The following NUDCD1 variants were observed in gnomAD, a reference collection of about 807,000 sequenced individuals.
The protein encoded by NUDCD1 is nudC domain-containing protein 1.
NUDCD1 carries 60 observed loss-of-function variants against 67.8 expected under a neutral mutation model. That is an observed-to-expected ratio of 0.88 (90% confidence interval 0.72 to 1.10). NUDCD1 has a LOEUF of 1.10. NUDCD1 is among the 50% of genes least tolerant of loss of function. NUDCD1 has a pLI of 0.00. For synonymous variants in NUDCD1, 244 were observed against 230.8 expected (o/e 1.06, Z -0.52); for missense variants, 643 against 695.0 (o/e 0.93, Z 0.84).
At chr8:109,309,483 G>A (rs1017354865) in intron 2 of NUDCD1, among the ~76,000 whole-genome samples, 2 of 152,100 alleles carry the variant, frequency 1.3e-5, no homozygotes, top group African/African-American at 2.4e-5. Flanking sequence ...AGCTATCTAT[G>A]ACAAACCCAC....
chr8:109,309,596 G>C (rs1815193505), intron 2 of NUDCD1, among the ~76,000 whole-genome samples: 1 of 152,142 alleles, frequency 6.6e-6, no homozygotes, highest in Non-Finnish European at 1.5e-5. Flanking sequence ...AATAGTACTG[G>C]AAGTCCCGGC....
In NUDCD1 at chr8:109,283,893, C is replaced by G. The variant is rs368839760; in HGVS notation, c.824-2721G>C. ...GAAACTACAAAGCAATCAGTAACAA[C>G]TTCATGATAGAATCAAAACTTCACA... On this transcript the variant is annotated intron_variant, in intron 5 of 9. Coordinates refer to ENST00000239690, the MANE Select transcript of NUDCD1 (RefSeq NM_032869.4). Among the ~76,000 whole-genome samples the G allele has an allele frequency of 5.3e-5, 8 of 151,350 alleles. 1 individual carries two copies. The highest frequency in any genetic ancestry group is 2.4e-5 in the African/African-American group (1 of 41,150).
chr8:109,305,285 A>G (rs1815077818), intron 2 of NUDCD1, among the ~76,000 whole-genome samples: 1 of 152,172 alleles, frequency 6.6e-6, no homozygotes, highest in Non-Finnish European at 1.5e-5. Context: ...ACAGGGTCTG[A>G]GAAGGCCACT....
At chr8:109,311,307 T>G (rs1815242551) in intron 2 of NUDCD1, among the ~76,000 whole-genome samples, 1 of 152,102 alleles carries the variant, frequency 6.6e-6, no homozygotes, top group African/African-American at 2.4e-5. Flanking sequence ...CAGGGAACAC[T>G]TCTGTGCTGC....
intron 5 of NUDCD1, among the ~76,000 whole-genome samples, chr8:109,288,308 A>T (rs1468684848): frequency 6.6e-6 from 1 of 152,210 alleles, no homozygotes; most frequent in Non-Finnish European, 1.5e-5. Context: ...TTATCTGGGC[A>T]GAACGGTTCC....
intron 5 of NUDCD1, among the ~76,000 whole-genome samples, chr8:109,284,004 A>C (rs1014094271): frequency 2.0e-5 from 3 of 150,870 alleles, no homozygotes; most frequent in African/African-American, 4.9e-5. Flanking sequence ...AAAAAAAAAA[A>C]AAACAAAACA....
intron 9 of NUDCD1, among the ~76,000 whole-genome samples, chr8:109,244,998 T>C (rs1370937773): frequency 6.6e-6 from 1 of 152,190 alleles, no homozygotes; most frequent in Non-Finnish European, 1.5e-5. Context: ...TAGGGTATTA[T>C]CAAGCTCCTT....
At chr8:109,258,133 T>C (rs1813780919) in intron 8 of NUDCD1, among the ~76,000 whole-genome samples, 1 of 152,162 alleles carries the variant, frequency 6.6e-6, no homozygotes, top group South Asian at 2.1e-4. Flanking sequence ...GTTTTATTAG[T>C]TTACTTCATG....
chr8:109,244,276 T>C (rs1219938759), intron 9 of NUDCD1, among the ~76,000 whole-genome samples: 3 of 152,072 alleles, frequency 2.0e-5, no homozygotes, highest in South Asian at 4.1e-4. Context: ...ATAATGTATA[T>C]AATATTTCAA....
intron 2 of NUDCD1, among the ~76,000 whole-genome samples, chr8:109,305,225 A>C (rs1586295433): frequency 6.6e-6 from 1 of 152,030 alleles, no homozygotes; most frequent in Admixed American, 6.5e-5. Flanking sequence ...AAACTAAAAT[A>C]CCTCTTGGTC....
intron 2 of NUDCD1, among the ~76,000 whole-genome samples, chr8:109,312,354 T>C (rs946110380): frequency 4.9e-5 from 7 of 141,534 alleles, no homozygotes; most frequent in Admixed American, 7.0e-5. Context: ...AATGGATTAA[T>C]AGAATATGAT....
chr8:109,321,901 G>T (rs550136070), intron 2 of NUDCD1, among the ~76,000 whole-genome samples: 2 of 152,002 alleles, frequency 1.3e-5, no homozygotes, highest in African/African-American at 2.4e-5. Flanking sequence ...AATGCTAAAA[G>T]AATCAATTCA....
rs556843759 is a variant in NUDCD1 at position 109,308,522 on chromosome 8, A to C, written c.274-11953T>G. On this transcript the variant is annotated intron_variant, in intron 2 of 9. Coordinates refer to ENST00000239690, the MANE Select transcript of NUDCD1 (RefSeq NM_032869.4). ...ATTGAAACAAACAAAAAAATACAAAAGATAAAGGAAACAAAAAGTTGGTTC... is the reference window on the plus strand; with the variant it reads ...ATTGAAACAAACAAAAAAATACAAACGATAAAGGAAACAAAAAGTTGGTTC... Among the ~76,000 whole-genome samples, 4 of 152,324 alleles carry C rather than the reference A, an allele frequency of 2.6e-5. No individual in the cohort carries two copies. The South Asian group carries it at 8.3e-4, about 32-fold the overall frequency.
intron 8 of NUDCD1, among the ~76,000 whole-genome samples, chr8:109,246,142 T>C (rs1813490669): frequency 1.3e-5 from 2 of 152,204 alleles, no homozygotes; most frequent in Admixed American, 6.5e-5. Flanking sequence ...AACTGGTCCC[T>C]GGTGCCAAAA....
chr8:109,246,506 A>G (rs1353313386), intron 8 of NUDCD1, among the ~76,000 whole-genome samples: 2 of 152,244 alleles, frequency 1.3e-5, no homozygotes. Context: ...CAATGTCAAT[A>G]TGTCAATAAT....
At chr8:109,291,814 C>T (rs903473509) in intron 4 of NUDCD1, among the ~76,000 whole-genome samples, 6 of 152,028 alleles carry the variant, frequency 3.9e-5, no homozygotes, top group Non-Finnish European at 8.8e-5. Flanking sequence ...CAGAGTACTG[C>T]TATGTTCTGA....
chr8:109,302,014 C>T (rs1815002241), intron 2 of NUDCD1, among the ~76,000 whole-genome samples: 1 of 152,200 alleles, frequency 6.6e-6, no homozygotes, highest in East Asian at 1.9e-4. Flanking sequence ...CACTACCTCC[C>T]TTCTCCCTGT....
At chr8:109,247,022 C>A (rs1813514422) in intron 8 of NUDCD1, among the ~76,000 whole-genome samples, 1 of 152,190 alleles carries the variant, frequency 6.6e-6, no homozygotes, top group Non-Finnish European at 1.5e-5. Context: ...AGAGCCAGTG[C>A]TTGCTCTCTA....
chr8:109,244,367 T>A (rs1441600682), intron 9 of NUDCD1, among the ~76,000 whole-genome samples: 1 of 152,062 alleles, frequency 6.6e-6, no homozygotes, highest in Non-Finnish European at 1.5e-5. Flanking sequence ...GGGATACAAA[T>A]AGAACATCTG....
Sources: gnomAD v4.1 joint callset for allele counts (sites outside exome capture counted in the v4.1 genomes callset) on GRCh38, gnomAD v4.1.1 for gene constraint, MANE v1.5 for transcripts, NCBI Gene and HGNC (gene_info 2026-07-23, HGNC 2026-07-21) for gene names.